The following KAT6A variants were observed in gnomAD, a reference collection of about 807,000 sequenced individuals.
KAT6A encodes the protein histone acetyltransferase KAT6A.
In KAT6A, 9 loss-of-function variants were observed where a neutral mutation model predicts 198.4. The observed-to-expected ratio is 0.05, with a 90% CI of 0.03 to 0.08. KAT6A has a LOEUF of 0.08. Ranked by LOEUF, KAT6A falls within the 10% of genes least tolerant of loss-of-function variation. The pLI, the probability that KAT6A is intolerant of heterozygous loss-of-function variation, is 1.00. For missense variants in KAT6A, 2,077 were observed against 2,509.9 expected (o/e 0.83, Z 3.69); for synonymous variants, 890 against 883.0 (o/e 1.01, Z -0.14).
At chr8:41,966,893 G>A (rs529019781) in intron 8 of KAT6A, among the ~76,000 whole-genome samples, 18 of 152,062 alleles carry the variant, frequency 1.2e-4, no homozygotes, top group East Asian at 1.9e-4. Flanking sequence ...TTTTAATTTC[G>A]GCTCCACTAA....
At chr8:41,980,728 T>C (rs1824309545) in intron 5 of KAT6A, 118 bp downstream of exon 5, 1 of 783,388 alleles carries the variant, frequency 1.3e-6, no homozygotes, top group Non-Finnish European at 2.2e-6. Context: ...CTCTTCCTAC[T>C]TATACAACCT....
intron 2 of KAT6A, among the ~76,000 whole-genome samples, chr8:41,996,115 G>C (rs979928507): frequency 1.3e-5 from 2 of 152,124 alleles, no homozygotes; most frequent in Non-Finnish European, 2.9e-5. Flanking sequence ...AAAAAGAACA[G>C]TCAAGAACCT....
chr8:41,943,062 T>C, intron 13 of KAT6A, 62 bp from the exon 14 acceptor site: 3 of 1,598,248 alleles, frequency 1.9e-6, no homozygotes, highest in Non-Finnish European at 2.6e-6. Flanking sequence ...AAAATGAATG[T>C]GGAGATGAGA....
At chr8:41,956,233 C>T (rs970509681) in intron 8 of KAT6A, among the ~76,000 whole-genome samples, 1 of 152,148 alleles carries the variant, frequency 6.6e-6, no homozygotes, top group Non-Finnish European at 1.5e-5. Context: ...TCAAGGGCAA[C>T]ATGACTTGCT....
intron 2 of KAT6A, among the ~76,000 whole-genome samples, chr8:41,993,896 G>C (rs556092783): frequency 6.6e-6 from 1 of 152,134 alleles, no homozygotes; most frequent in South Asian, 2.1e-4. Context: ...GTGAGGTAGG[G>C]CTAAAACTAT....
intron 6 of KAT6A, 121 bp from the exon 7 acceptor site, chr8:41,977,448 A>C: frequency 3.3e-6 from 2 of 611,202 alleles, no homozygotes; most frequent in Non-Finnish European, 5.5e-6. Context: ...TATTATTAAG[A>C]ATATTCTGCA....
In KAT6A at chr8:41,948,175, A is replaced by G. The variant is rs557092455; in HGVS notation, c.1741-263T>C. Among the ~76,000 whole-genome samples the G allele has an allele frequency of 4.8e-4, 73 of 152,370 alleles. 1 individual carries two copies. The highest frequency in any genetic ancestry group is 1.4e-3 in the African/African-American group (57 of 41,596). ...TAAGGAAGTGATAATCTGGTTTTAA[A>G]AGAGCAATTTTTGCTTTAATAAAAA... On this transcript the variant is annotated intron_variant, in intron 10 of 16. Transcript: ENST00000265713.
intron 2 of KAT6A, among the ~76,000 whole-genome samples, chr8:41,996,711 C>G (rs1221717774): frequency 6.6e-6 from 1 of 152,148 alleles, no homozygotes; most frequent in African/African-American, 2.4e-5. Flanking sequence ...TATAGCACTG[C>G]AAGAAGGCCC....
chr8:42,009,894 C>CAAA lies in KAT6A; in HGVS notation c.601-22334_601-22332dup, dbSNP rs538642816. On this transcript the variant is annotated intron_variant, in intron 2 of 16. Transcript: ENST00000265713. Reference sequence around the variant, plus strand: ...CTGGCGACAGGACAAAGCCCTGTCTCAAAAAAAAAAAAAAAAAAAACAAAA... The same window carrying CAAA: ...CTGGCGACAGGACAAAGCCCTGTCTCAAAAAAAAAAAAAAAAAAAAAAACAAAA... Among the ~76,000 whole-genome samples the CAAA allele has an allele frequency of 3.0e-3, 145 of 48,954 alleles. 1 individual carries two copies. Among genetic ancestry groups the CAAA allele is most frequent in the South Asian group, 4.1e-3 (7 of 1,698 alleles). The allele number at this position is 48,954 out of a possible 152,430, so 32.1% of individuals were successfully genotyped here. A position where few individuals can be genotyped will look rare whatever the true frequency, so the allele number is the denominator to read the frequency against.
chr8:41,944,075 T>A, intron 12 of KAT6A, 96 bp from the exon 13 acceptor site: 4 of 762,734 alleles, frequency 5.2e-6, no homozygotes, highest in East Asian at 2.7e-5. Context: ...CAACCAAGAA[T>A]AACTCCAAAG....
chr8:41,934,067 C>T lies in KAT6A; in HGVS notation c.4153G>A (p.Val1385Met), dbSNP rs1821714558. 6.2e-7 allele frequency: 1 copy of T among 1,614,050 alleles called. No homozygotes were observed. The highest frequency in any genetic ancestry group is 1.3e-5 in the African/African-American group (1 of 74,930). ...TCAGACCCAGCCATCTGCTCTGACA[C>T]CACGGACGTGTCATGGGAAGGCTGC... ...EEQPSHDTSV[V>M]SEQMAGSEDD... The change falls in exon 17 of 17, where the codon GTG (valine) becomes ATG (methionine). Residue 1385 changes from valine to methionine, a missense_variant. This residue lies in a region of KAT6A where 178 missense variants were observed against 220.8 expected (regional missense o/e 0.81). Transcript: ENST00000265713.
At chr8:41,959,159 GAAA>G (rs57009251) in intron 8 of KAT6A, among the ~76,000 whole-genome samples, 6 of 82,842 alleles carry the variant, frequency 7.2e-5, no homozygotes, top group Admixed American at 1.3e-4. Context: ...AGACTGTCTC[GAAA>G]AAAAAAAAAA....
chr8:41,930,792 A>C lies in KAT6A; in HGVS notation c.*1413T>G, dbSNP rs1415009057. The C allele has an allele frequency of 5.7e-6, 1 of 176,528 alleles. No homozygotes were observed. The highest frequency in any genetic ancestry group is 2.6e-5 in the African/African-American group (1 of 38,964). 10.9% of individuals were successfully genotyped at this position (176,528 alleles called of 1,614,324 possible). A position where few individuals can be genotyped will look rare whatever the true frequency, so the allele number is the denominator to read the frequency against. The stretch of plus-strand genomic sequence containing the variant: ...AGCAAGTAATAGGAAGAGAATGGGC[A>C]AACTGGTTGCACGAGAGAAAAGAGA... On this transcript the variant is annotated 3_prime_UTR_variant, in exon 17 of 17. Transcript: ENST00000265713.
chr8:42,009,903 A>C (rs1174061439), intron 2 of KAT6A, among the ~76,000 whole-genome samples: 3 of 143,960 alleles, frequency 2.1e-5, no homozygotes, highest in Non-Finnish European at 4.6e-5. Flanking sequence ...TCAAAAAAAA[A>C]AAAAAAAAAA....
At chr8:41,966,343 G>T (rs1823487249) in intron 8 of KAT6A, among the ~76,000 whole-genome samples, 1 of 152,060 alleles carries the variant, frequency 6.6e-6, no homozygotes, top group South Asian at 2.1e-4. Context: ...CACACCGTCA[G>T]AAGAGTTAGT....
intron 8 of KAT6A, among the ~76,000 whole-genome samples, chr8:41,964,480 A>G (rs954042768): frequency 6.6e-6 from 1 of 152,134 alleles, no homozygotes; most frequent in Non-Finnish European, 1.5e-5. Context: ...AGTATCCCTA[A>G]TCTGAAAATC....
At chr8:41,950,616 T>C (rs764705890) in intron 9 of KAT6A, among the ~76,000 whole-genome samples, 6 of 152,166 alleles carry the variant, frequency 3.9e-5, no homozygotes, top group Non-Finnish European at 1.5e-5. Flanking sequence ...ATAATACGAA[T>C]CAGAGAAACC....
chr8:41,957,370 G>T, intron 8 of KAT6A: 1 of 491,928 alleles, frequency 2.0e-6, no homozygotes, highest in Non-Finnish European at 4.1e-6. Context: ...TCTCTACACA[G>T]GGAGGAAGAA....
At chr8:42,009,726 T>C (rs879408162) in intron 2 of KAT6A, among the ~76,000 whole-genome samples, 31 of 150,840 alleles carry the variant, frequency 2.1e-4, no homozygotes, top group Admixed American at 1.5e-3. Flanking sequence ...TATGAAGACC[T>C]TGTCTCTACA....
Sources: allele counts gnomAD v4.1 joint callset (sites outside exome capture counted in the v4.1 genomes callset), GRCh38; gene constraint gnomAD v4.1.1; regional missense constraint gnomAD v4.1.1; transcripts MANE v1.5; gene names NCBI Gene and HGNC (gene_info 2026-07-23, HGNC 2026-07-21).